ADCY2: variants seen among roughly 807,000 people sequenced by gnomAD.
ADCY2 encodes the protein adenylate cyclase 2.
Under a neutral mutation model 125.2 loss-of-function variants are expected in ADCY2, and 31 were observed. The ratio of observed to expected loss-of-function variants is 0.25; its 90% CI spans 0.19 to 0.33. The LOEUF (loss-of-function observed/expected upper bound fraction) is 0.33, where lower values mean the gene tolerates loss of function less well. Among genes scored for constraint, ADCY2 ranks in the 10% least tolerant of loss-of-function variants. ADCY2 has a pLI of 1.00. For synonymous variants in ADCY2, 512 were observed against 548.4 expected (o/e 0.93, Z 0.93); for missense variants, 904 against 1,418.2 (o/e 0.64, Z 5.82).
intron 3 of ADCY2, among the ~76,000 whole-genome samples, chr5:7,614,400 A>G (rs1044780424): frequency 1.3e-5 from 2 of 152,100 alleles, no homozygotes; most frequent in African/African-American, 2.4e-5. Flanking sequence ...ATAAAATTTC[A>G]TTACAGAATT....
chr5:7,484,088 T>C (rs1220673962), intron 2 of ADCY2, among the ~76,000 whole-genome samples: 1 of 152,216 alleles, frequency 6.6e-6, no homozygotes, highest in African/African-American at 2.4e-5. Context: ...ATATTTACTT[T>C]AATCCATCTG....
At chr5:7,766,925 T>C (rs752402539) in intron 17 of ADCY2, 119 bp downstream of exon 17, 93 of 1,294,624 alleles carry the variant, frequency 7.2e-5, no homozygotes, top group Non-Finnish European at 8.8e-5. Flanking sequence ...CTGGTATCAA[T>C]CCCTGAGTGG....
At position 7,712,936 on chromosome 5, in the gene ADCY2, T is replaced by A. The variant is rs368099293; in HGVS notation, c.1622+37T>A. On this transcript the variant is annotated intron_variant, in intron 11 of 24. Coordinates refer to ENST00000338316, the MANE Select transcript of ADCY2 (RefSeq NM_020546.3). ...CTCTATCTGATTTTTTAAAGCTTAT[T>A]GCTCTTTATTCATTTCTGAGAGTAA... The A allele has an allele frequency of 2.1e-6, 3 of 1,440,644 alleles. No homozygotes were observed. In the African/African-American group the frequency reaches 4.2e-5, roughly 20 times the overall value. The allele number at this position is 1,440,644 out of a possible 1,614,324, so 89.2% of individuals were successfully genotyped here.
chr5:7,527,092 G>A (rs1734498032), intron 3 of ADCY2, among the ~76,000 whole-genome samples: 1 of 152,138 alleles, frequency 6.6e-6, no homozygotes, highest in Non-Finnish European at 1.5e-5. Context: ...GGGAAATTGG[G>A]ACTAGGAAAA....
rs926739702 is a variant in ADCY2 at position 7,396,796 on chromosome 5, C to G, written c.210+290C>G. Among the ~76,000 whole-genome samples the G allele has an allele frequency of 2.0e-4, 30 of 152,124 alleles. No individual in the cohort carries two copies. Among genetic ancestry groups the G allele is most frequent in the African/African-American group, 7.2e-4 (30 of 41,444 alleles). On this transcript the variant is annotated intron_variant, in intron 1 of 24. Coordinates refer to ENST00000338316, the MANE Select transcript of ADCY2 (RefSeq NM_020546.3). This position sits in a 1 kb window ranked among gnomAD's most constrained non-coding sequence, Gnocchi z 5.7. ...AGGGCGTGTGCTTTTTGCATCTTTG[C>G]GCACCCGCTGGCAAACTCTGCGCTT...
At chr5:7,666,579 T>C (rs1309918487) in intron 4 of ADCY2, among the ~76,000 whole-genome samples, 1 of 152,210 alleles carries the variant, frequency 6.6e-6, no homozygotes, top group African/African-American at 2.4e-5. Flanking sequence ...GGTGGAGTTT[T>C]CTTTATGGGT....
At chr5:7,508,816 A>G (rs1166744168) in intron 2 of ADCY2, among the ~76,000 whole-genome samples, 6 of 152,188 alleles carry the variant, frequency 3.9e-5, no homozygotes, top group Non-Finnish European at 8.8e-5. Flanking sequence ...TTTCGTCCTC[A>G]TGTTGGCCAA....
intron 18 of ADCY2, among the ~76,000 whole-genome samples, chr5:7,775,526 G>A (rs752305848): frequency 6.6e-6 from 1 of 151,872 alleles, no homozygotes; most frequent in South Asian, 2.1e-4. Context: ...GAGTAGCTAG[G>A]ATTGCAGGCA....
intron 2 of ADCY2, among the ~76,000 whole-genome samples, chr5:7,461,482 T>C (rs1741917077): frequency 6.6e-6 from 1 of 152,240 alleles, no homozygotes; most frequent in Admixed American, 6.5e-5. Context: ...TTGAGTATAA[T>C]ATTCTGCCTT....
intron 1 of ADCY2, among the ~76,000 whole-genome samples, chr5:7,410,076 T>A (rs1739650758): frequency 6.6e-6 from 1 of 152,196 alleles, no homozygotes; most frequent in Non-Finnish European, 1.5e-5. Context: ...CTGTCATTTG[T>A]GGTACACCTG....
intron 2 of ADCY2, among the ~76,000 whole-genome samples, chr5:7,454,838 T>G (rs1447402052): frequency 6.6e-6 from 1 of 152,192 alleles, no homozygotes; most frequent in Admixed American, 6.5e-5. Flanking sequence ...AATGTTAATT[T>G]TTTGTACAAT....
intron 4 of ADCY2, 139 bp downstream of exon 4, chr5:7,626,455 G>A: frequency 1.0e-6 from 1 of 961,304 alleles, no homozygotes; most frequent in Non-Finnish European, 1.5e-6. Context: ...TGCACCTGGG[G>A]AGTGTCTTAG....
At chr5:7,486,836 C>A (rs555209484) in intron 2 of ADCY2, among the ~76,000 whole-genome samples, 1 of 152,138 alleles carries the variant, frequency 6.6e-6, no homozygotes, top group Non-Finnish European at 1.5e-5. Flanking sequence ...AGACACAGTG[C>A]CTGGCAGTGA....
intron 24 of ADCY2, among the ~76,000 whole-genome samples, chr5:7,822,113 A>G (rs779459039): frequency 6.6e-6 from 1 of 152,234 alleles, no homozygotes; most frequent in Non-Finnish European, 1.5e-5. Context: ...TAAGAAAAGA[A>G]TAAGAAGAAG....
intron 22 of ADCY2, among the ~76,000 whole-genome samples, chr5:7,807,709 C>A (rs578173161): frequency 2.6e-5 from 4 of 152,308 alleles, no homozygotes; most frequent in African/African-American, 9.6e-5. Context: ...CTTCCAGCTT[C>A]CTATAGACAC....
intron 2 of ADCY2, among the ~76,000 whole-genome samples, chr5:7,484,102 A>G (rs191760854): frequency 2.0e-5 from 3 of 152,302 alleles, no homozygotes; most frequent in Admixed American, 6.5e-5. Context: ...CCATCTGTCA[A>G]TTGATGAAAT....
chr5:7,769,782 G>A (rs1008868720), intron 17 of ADCY2, among the ~76,000 whole-genome samples: 2 of 152,186 alleles, frequency 1.3e-5, no homozygotes, highest in African/African-American at 4.8e-5. Context: ...CTAAGACCCA[G>A]AGACTTTAGT....
intron 4 of ADCY2, 55 bp from the exon 5 acceptor site, chr5:7,690,636 G>A: frequency 2.1e-6 from 3 of 1,400,236 alleles, no homozygotes; most frequent in African/African-American, 2.9e-5. Flanking sequence ...ATGTTATTTG[G>A]TCATCCCCCG....
At chr5:7,440,494 G>T (rs11742602) in intron 2 of ADCY2, among the ~76,000 whole-genome samples, 66,915 of 152,002 alleles carry the variant, frequency 0.44, 14,797 homozygotes, top group South Asian at 0.52. Flanking sequence ...ATGATTAACA[G>T]GACCTATTTT....
Sources: gnomAD v4.1 joint callset for allele counts (sites outside exome capture counted in the v4.1 genomes callset) on GRCh38, gnomAD v4.1.1 for gene constraint, Gnocchi (gnomAD v3.1) non-coding constraint, MANE v1.5 for transcripts, NCBI Gene and HGNC (gene_info 2026-07-23, HGNC 2026-07-21) for gene names.